Variants in ANKRD30BL observed in about 807,000 individuals in gnomAD.
The protein encoded by ANKRD30BL is ankyrin repeat domain 30B like.
ANKRD30BL carries 20 observed loss-of-function variants against 18.4 expected under a neutral mutation model. That is an observed-to-expected ratio of 1.09 (90% confidence interval 0.77 to 1.58). ANKRD30BL has a LOEUF of 1.58. Among genes scored for constraint, ANKRD30BL ranks in the 40% most tolerant of loss-of-function variants. The probability of loss-of-function intolerance (pLI) is 0.00; values close to 1 mark genes in which losing one functional copy is unlikely to be tolerated. For missense variants in ANKRD30BL, 224 were observed against 268.6 expected (o/e 0.83, Z 1.16); for synonymous variants, 72 against 100.9 (o/e 0.71, Z 1.72).
chr2:132,167,304 T>TATTTTATTTC (rs1688205595), intron 1 of ANKRD30BL, among the ~76,000 whole-genome samples: 1 of 112,786 alleles, frequency 8.9e-6, no homozygotes, highest in African/African-American at 3.1e-5. Context: ...TATTTTATTT[T>TATTTTATTTC]ATTTTATTTT....
At chr2:132,230,579 G>C (rs1325328327) in intron 1 of ANKRD30BL, among the ~76,000 whole-genome samples, 3 of 149,806 alleles carry the variant, frequency 2.0e-5, no homozygotes, top group Non-Finnish European at 4.5e-5. Context: ...TTGAAGCACT[G>C]TTTTTGGACA....
Position 132,216,853 on chromosome 2 carries a change from ACT to A in ANKRD30BL, n.441+40674_441+40675del, listed in dbSNP as rs1015017209. On this transcript the variant is annotated intron_variant and non_coding_transcript_variant, in intron 1 of 4. Coordinates refer to the ANKRD30BL transcript ENST00000470729. Reference sequence around the variant, plus strand: ...TCTTTTGATAGAGCAGTTTTGAAACACTCTTCTTGTAGAATCTGCAACTGCAT... The same window carrying A: ...TCTTTTGATAGAGCAGTTTTGAAACACTTCTTGTAGAATCTGCAACTGCAT... 1.2e-3 allele frequency among the ~76,000 whole-genome samples: 177 copies of A among 151,980 alleles called. 1 individual carries two copies. The highest frequency in any genetic ancestry group is 4.1e-3 in the African/African-American group (168 of 41,468).
intron 1 of ANKRD30BL, among the ~76,000 whole-genome samples, chr2:132,253,879 G>C (rs1038930375): frequency 4.6e-5 from 7 of 152,044 alleles, no homozygotes; most frequent in Non-Finnish European, 5.9e-5. Context: ...CAAGCGGGCC[G>C]GGCCGGGCCA....
At chr2:132,207,589 T>G (rs1018195140) in intron 1 of ANKRD30BL, among the ~76,000 whole-genome samples, 2 of 152,150 alleles carry the variant, frequency 1.3e-5, no homozygotes, top group Non-Finnish European at 2.9e-5. Context: ...TTCTCCTTTG[T>G]ACAAAGGGGT....
At chr2:132,197,417 A>T (rs1379852733) in intron 1 of ANKRD30BL, among the ~76,000 whole-genome samples, 1 of 152,134 alleles carries the variant, frequency 6.6e-6, no homozygotes, top group South Asian at 2.1e-4. Context: ...AAGTCTTAAA[A>T]GTCTTATCCA....
At chr2:132,196,804 C>A (rs1345796378) in intron 1 of ANKRD30BL, among the ~76,000 whole-genome samples, 1 of 147,130 alleles carries the variant, frequency 6.8e-6, no homozygotes, top group Non-Finnish European at 1.5e-5. Context: ...AAGACTCCAT[C>A]TCAAAAAAGG....
At chr2:132,222,832 T>TTAA (rs559303905) in intron 1 of ANKRD30BL, among the ~76,000 whole-genome samples, 20 of 52,812 alleles carry the variant, frequency 3.8e-4, no homozygotes, top group Non-Finnish European at 6.0e-4. Context: ...GAATGATCAA[T>TTAA]AAAAAAAAAA....
chr2:132,155,700 C>T (rs917908305), intron 3 of ANKRD30BL: 1 of 151,896 alleles, frequency 6.6e-6, no homozygotes, highest in African/African-American at 2.4e-5. Flanking sequence ...GAGATCGAGA[C>T]CATCGTGGTC....
chr2:132,220,780 C>T (rs1002681403), intron 1 of ANKRD30BL, among the ~76,000 whole-genome samples: 5 of 151,774 alleles, frequency 3.3e-5, no homozygotes, highest in Admixed American at 1.3e-4. Context: ...TCTGCCCGGC[C>T]GCCACCCCGT....
intron 1 of ANKRD30BL, among the ~76,000 whole-genome samples, chr2:132,231,142 A>G (rs1428263756): frequency 1.3e-5 from 2 of 152,132 alleles, no homozygotes; most frequent in African/African-American, 4.8e-5. Context: ...CCTATGGTGG[A>G]AAAGGAAATA....
intron 1 of ANKRD30BL, among the ~76,000 whole-genome samples, chr2:132,232,578 G>C (rs1045716531): frequency 5.9e-5 from 9 of 152,066 alleles, no homozygotes; most frequent in Admixed American, 2.0e-4. Context: ...TGGAAAAAAG[G>C]GTATCAGCAA....
In ANKRD30BL at chr2:132,253,329, C is replaced by T. The variant is rs138660293; in HGVS notation, n.441+4200G>A. The stretch of plus-strand genomic sequence containing the variant: ...TCATACAAGGTTGATTTGGCGAGGG[C>T]ACTCCCAACAACGGGAGGCCCTCCT... On this transcript the variant is annotated intron_variant and non_coding_transcript_variant, in intron 1 of 4. Coordinates refer to the ANKRD30BL transcript ENST00000470729. 1,491 of 152,758 alleles carry T rather than the reference C, an allele frequency of 9.8e-3. 26 individuals carry two copies. Among genetic ancestry groups the T allele is most frequent in the African/African-American group, 0.033 (1,381 of 41,572 alleles). 9.5% of individuals were successfully genotyped at this position (152,758 alleles called of 1,614,324 possible). A position where few individuals can be genotyped will look rare whatever the true frequency, so the allele number is the denominator to read the frequency against.
At position 132,214,570 on chromosome 2, in the gene ANKRD30BL, G is replaced by T. The variant is rs1679440941; in HGVS notation, n.441+42959C>A. Among the ~76,000 whole-genome samples the T allele has an allele frequency of 1.3e-5, 2 of 151,700 alleles. 1 individual carries two copies. Among genetic ancestry groups the T allele is most frequent in the South Asian group, 4.2e-4 (2 of 4,808 alleles). ...ATATGTGCATTCATATCATGGAGTTGAACCTTCCTTTTGATTAAGCATTTT... is the reference window on the plus strand; with the variant it reads ...ATATGTGCATTCATATCATGGAGTTTAACCTTCCTTTTGATTAAGCATTTT... On this transcript the variant is annotated intron_variant and non_coding_transcript_variant, in intron 1 of 4. Coordinates refer to the ANKRD30BL transcript ENST00000470729.
chr2:132,184,241 T>G (rs961150232), intron 1 of ANKRD30BL, among the ~76,000 whole-genome samples: 1 of 152,232 alleles, frequency 6.6e-6, no homozygotes, highest in South Asian at 2.1e-4. Context: ...CCTGGCTAAT[T>G]TTTTTGTGTC....
intron 1 of ANKRD30BL, among the ~76,000 whole-genome samples, chr2:132,191,496 C>T (rs1467969705): frequency 1.3e-5 from 2 of 152,072 alleles, no homozygotes; most frequent in Non-Finnish European, 2.9e-5. Flanking sequence ...ATACTCCCAC[C>T]TAAATATGAT....
At chr2:132,166,996 T>C (rs1688198385) in intron 1 of ANKRD30BL, among the ~76,000 whole-genome samples, 1 of 151,598 alleles carries the variant, frequency 6.6e-6, no homozygotes, top group Non-Finnish European at 1.5e-5. Context: ...CATTTTCATT[T>C]AATTCCAAAT....
chr2:132,187,503 G>T (rs1257486510), intron 1 of ANKRD30BL, among the ~76,000 whole-genome samples: 1 of 151,374 alleles, frequency 6.6e-6, no homozygotes, highest in Admixed American at 6.6e-5. Flanking sequence ...TTTAGTAGAG[G>T]CGGGTTTTCA....
intron 1 of ANKRD30BL, among the ~76,000 whole-genome samples, chr2:132,174,838 G>C (rs1688334070): frequency 6.6e-6 from 1 of 152,168 alleles, no homozygotes; most frequent in Non-Finnish European, 1.5e-5. Context: ...TATAAAAATT[G>C]TTAATCATCT....
intron 1 of ANKRD30BL, among the ~76,000 whole-genome samples, chr2:132,216,838 G>T (rs1679518345): frequency 6.6e-6 from 1 of 152,052 alleles, no homozygotes; most frequent in South Asian, 2.1e-4. Context: ...TCTTTTGATA[G>T]AGCAGTTTTG....
Sources: gnomAD v4.1 joint callset for allele counts (sites outside exome capture counted in the v4.1 genomes callset) on GRCh38, gnomAD v4.1.1 for gene constraint, MANE v1.5 for transcripts, NCBI Gene and HGNC (gene_info 2026-07-23, HGNC 2026-07-21) for gene names.